The following HTR4 variants were observed in gnomAD, a reference collection of about 807,000 sequenced individuals.
HTR4 encodes the protein 5-hydroxytryptamine (serotonin) receptor 4, G protein-coupled.
HTR4 carries 16 observed loss-of-function variants against 36.8 expected under a neutral mutation model. The ratio of observed to expected loss-of-function variants is 0.43; its 90% CI spans 0.29 to 0.66. The LOEUF is 0.66. Ranked by LOEUF, HTR4 falls within the 30% of genes least tolerant of loss-of-function variation. The probability of loss-of-function intolerance (pLI) is 0.13; values close to 1 mark genes in which losing one functional copy is unlikely to be tolerated. For missense variants in HTR4, 438 were observed against 490.9 expected, an observed-to-expected ratio of 0.89 and a Z score of 1.02; for synonymous variants, 189 against 185.1, an observed-to-expected ratio of 1.02 and a Z score of -0.17.
intron 5 of HTR4, among the ~76,000 whole-genome samples, chr5:148,463,568 T>A (rs530655316): frequency 6.6e-6 from 1 of 152,128 alleles, no homozygotes; most frequent in Admixed American, 6.6e-5. Context: ...TGATGAAAAA[T>A]ATCAAATACG....
At chr5:148,475,912 T>C (rs1755683295), downstream of HTR4, among the ~76,000 whole-genome samples, 1 of 152,124 alleles carries the variant, frequency 6.6e-6, no homozygotes, top group African/African-American at 2.4e-5. Context: ...GCTCCAAGAG[T>C]TGAGGAACTT....
At chr5:148,480,286 C>T (rs570483764), downstream of HTR4, among the ~76,000 whole-genome samples, 23 of 152,214 alleles carry the variant, frequency 1.5e-4, no homozygotes, top group South Asian at 4.1e-4. Flanking sequence ...TTCATAAATT[C>T]GTGTGTTGGG....
intron 2 of HTR4, among the ~76,000 whole-genome samples, chr5:148,559,705 C>A (rs915879720): frequency 4.6e-5 from 7 of 152,036 alleles, no homozygotes; most frequent in Non-Finnish European, 1.0e-4. Context: ...GCTAGCTTCC[C>A]CCTTTTTTAA....
chr5:148,467,378 T>G (rs1755455141), intron 5 of HTR4, among the ~76,000 whole-genome samples: 1 of 152,210 alleles, frequency 6.6e-6, no homozygotes, highest in African/African-American at 2.4e-5. Flanking sequence ...AATGGTGGGT[T>G]TTTTTGGATG....
At chr5:148,624,975 A>G (rs1048756160) in intron 2 of HTR4, among the ~76,000 whole-genome samples, 5 of 152,216 alleles carry the variant, frequency 3.3e-5, no homozygotes, top group African/African-American at 1.2e-4. Flanking sequence ...AACAATGACA[A>G]TTATAAATAA....
intron 2 of HTR4, among the ~76,000 whole-genome samples, chr5:148,554,941 G>A (rs1759870712): frequency 6.6e-6 from 1 of 151,908 alleles, no homozygotes; most frequent in Admixed American, 6.6e-5. Context: ...TAGGATAATG[G>A]CCTCCAGCTC....
chr5:148,457,963 AAATAT>A (rs1200928633), intron 5 of HTR4, among the ~76,000 whole-genome samples: 1 of 99,280 alleles, frequency 1.0e-5, no homozygotes, highest in African/African-American at 3.1e-5. Context: ...ATATATATTA[AAATAT>A]AATATATTTT....
rs541452679 is a variant in HTR4 at position 148,539,512 on chromosome 5, C to A, written c.353+9156G>T. Among the ~76,000 whole-genome samples, 15 of 152,150 alleles carry A rather than the reference C, an allele frequency of 9.9e-5. No homozygotes were observed. In the South Asian group the frequency reaches 2.9e-3, roughly 29 times the overall value. On this transcript the variant is annotated intron_variant, in intron 4 of 6. Coordinates refer to ENST00000377888, the MANE Select transcript of HTR4 (RefSeq NM_000870.7). The stretch of plus-strand genomic sequence containing the variant: ...ATCCAGCATTTATAAGGAACTTAAA[C>A]AAATTTACAATAAAAAAGTCAAACA...
chr5:148,567,666 C>G (rs1760503224), intron 2 of HTR4, among the ~76,000 whole-genome samples: 1 of 152,078 alleles, frequency 6.6e-6, no homozygotes, highest in African/African-American at 2.4e-5. Context: ...ACCTGTGCGC[C>G]TGTTGTGTTT....
intron 5 of HTR4, among the ~76,000 whole-genome samples, chr5:148,519,858 A>G (rs1757929704): frequency 6.6e-6 from 1 of 152,128 alleles, no homozygotes; most frequent in Admixed American, 6.6e-5. Context: ...TGTACTGCTG[A>G]AGTGCTGTCT....
At chr5:148,549,795 G>T (rs1371521185) in intron 3 of HTR4, among the ~76,000 whole-genome samples, 1 of 152,270 alleles carries the variant, frequency 6.6e-6, no homozygotes, top group African/African-American at 2.4e-5. Context: ...TTAATTTCTA[G>T]ATCTGTCCCT....
intron 2 of HTR4, among the ~76,000 whole-genome samples, chr5:148,577,695 T>C (rs2127238950): frequency 6.6e-6 from 1 of 152,240 alleles, no homozygotes; most frequent in Middle Eastern, 3.4e-3. Context: ...GAGGCTATTA[T>C]ACTCAGCAAA....
At chr5:148,452,482 C>T (rs1754996694) in intron 5 of HTR4, among the ~76,000 whole-genome samples, 1 of 152,194 alleles carries the variant, frequency 6.6e-6, no homozygotes, top group Non-Finnish European at 1.5e-5. Context: ...GGTAGCTCTA[C>T]TGGCACCTAG....
chr5:148,479,209 G>C (rs1213855536), downstream of HTR4, among the ~76,000 whole-genome samples: 1 of 152,160 alleles, frequency 6.6e-6, no homozygotes, highest in East Asian at 1.9e-4. Flanking sequence ...GAAGGTGACA[G>C]ACAGGCAGAC....
At chr5:148,540,207 T>C (rs769434624) in intron 4 of HTR4, among the ~76,000 whole-genome samples, 1 of 151,278 alleles carries the variant, frequency 6.6e-6, no homozygotes, top group Non-Finnish European at 1.5e-5. Flanking sequence ...ACAAAAGACA[T>C]TGCGTCTACT....
chr5:148,604,767 G>A (rs982311420), intron 2 of HTR4, among the ~76,000 whole-genome samples: 1 of 152,196 alleles, frequency 6.6e-6, no homozygotes, highest in Admixed American at 6.5e-5. Flanking sequence ...TAGAATGTAT[G>A]ATTCAATGTA....
chr5:148,510,411 A>C (rs1366853269), intron 5 of HTR4, among the ~76,000 whole-genome samples: 1 of 152,216 alleles, frequency 6.6e-6, no homozygotes, highest in Non-Finnish European at 1.5e-5. Flanking sequence ...TTACCCAACC[A>C]GAAGTGAAAT....
intron 4 of HTR4, among the ~76,000 whole-genome samples, chr5:148,541,756 C>T (rs1759126363): frequency 6.6e-6 from 1 of 152,154 alleles, no homozygotes; most frequent in South Asian, 2.1e-4. Flanking sequence ...GCAGTGAAAG[C>T]TGAGCTAAGA....
At chr5:148,597,902 C>A (rs908547234) in intron 2 of HTR4, among the ~76,000 whole-genome samples, 1 of 152,154 alleles carries the variant, frequency 6.6e-6, no homozygotes, top group African/African-American at 2.4e-5. Flanking sequence ...GAAAGCATTC[C>A]ATAAAAGATT....
Sources: allele counts gnomAD v4.1 joint callset (sites outside exome capture counted in the v4.1 genomes callset), GRCh38; gene constraint gnomAD v4.1.1; transcripts MANE v1.5; gene names NCBI Gene and HGNC (gene_info 2026-07-23, HGNC 2026-07-21).